Variants in KIF6 observed in about 807,000 individuals in gnomAD.
The protein encoded by KIF6 is kinesin family member 6.
A neutral mutation model predicts 112.7 loss-of-function variants in KIF6; 106 were observed. The ratio of observed to expected loss-of-function variants is 0.94; its 90% CI spans 0.80 to 1.11. The LOEUF (loss-of-function observed/expected upper bound fraction) is 1.11, where lower values mean the gene tolerates loss of function less well. Ranked by LOEUF, KIF6 falls within the 50% of genes least tolerant of loss-of-function variation. KIF6 has a pLI of 0.00. For missense variants in KIF6, 929 were observed against 964.0 expected (o/e 0.96, Z 0.48); for synonymous variants, 339 against 339.9 (o/e 1.00, Z 0.03).
At chr6:39,512,626 G>C (rs1462986096) in intron 13 of KIF6, among the ~76,000 whole-genome samples, 1 of 152,120 alleles carries the variant, frequency 6.6e-6, no homozygotes, top group South Asian at 2.1e-4. Context: ...GGTTATGTTT[G>C]AGAGTTTTCC....
At chr6:39,527,479 A>G (rs1777800659) in intron 13 of KIF6, among the ~76,000 whole-genome samples, 1 of 152,110 alleles carries the variant, frequency 6.6e-6, no homozygotes, top group South Asian at 2.1e-4. Flanking sequence ...AACTATCACC[A>G]TAGCCCCTTC....
intron 3 of KIF6, among the ~76,000 whole-genome samples, chr6:39,655,629 C>T (rs1785739670): frequency 6.6e-6 from 1 of 152,052 alleles, no homozygotes; most frequent in Non-Finnish European, 1.5e-5. Context: ...TGTTTTTGCT[C>T]AGTTAATAAC....
At chr6:39,360,295 G>C (rs1765028654) in intron 18 of KIF6, 100 bp downstream of exon 18, 1 of 1,370,060 alleles carries the variant, frequency 7.3e-7, no homozygotes, top group African/African-American at 1.4e-5. Flanking sequence ...TGAGACCATG[G>C]GGGCCTGTGG....
intron 3 of KIF6, among the ~76,000 whole-genome samples, chr6:39,661,539 T>G (rs1008472928): frequency 6.6e-5 from 10 of 152,082 alleles, no homozygotes; most frequent in African/African-American, 2.2e-4. Flanking sequence ...GGACCAACTT[T>G]CCTCTACCCC....
chr6:39,710,263 T>C (rs1582502059), intron 3 of KIF6, among the ~76,000 whole-genome samples: 1 of 152,096 alleles, frequency 6.6e-6, no homozygotes, highest in Non-Finnish European at 1.5e-5. Context: ...AAACACACCA[T>C]GCCCTCAGCA....
Position 39,586,390 on chromosome 6 carries a change from A to C in KIF6, c.861T>G (p.Leu287=). ...LHYLEQVIIA[L]SEKHRSHIPY... ...GAATGTGCGAACGGTGCTTTTCTGA[A>C]AGGGCAATGATAACCTGTGGTAAAG... Residue 287 remains leucine (L), a synonymous_variant, in exon 8 of 23, where the codon CTT becomes CTG. Transcript: ENST00000287152. 1 of 1,614,050 alleles carries C rather than the reference A, an allele frequency of 6.2e-7. No individual in the cohort carries two copies. Among genetic ancestry groups the C allele is most frequent in the Non-Finnish European group, 8.5e-7 (1 of 1,179,932 alleles).
At chr6:39,634,745 G>A (rs956087321) in intron 5 of KIF6, 104 bp downstream of exon 5, 1 of 771,570 alleles carries the variant, frequency 1.3e-6, no homozygotes, top group Non-Finnish European at 2.3e-6. Flanking sequence ...TCCAGTATTT[G>A]CTAATTATGA....
chr6:39,431,017 C>T, intron 14 of KIF6, 36 bp downstream of exon 14: 1 of 1,355,274 alleles, frequency 7.4e-7, no homozygotes. Flanking sequence ...CCTGGCTGAG[C>T]CTCGGAGGAC....
chr6:39,485,481 G>A (rs1775056254), intron 13 of KIF6, among the ~76,000 whole-genome samples: 1 of 152,054 alleles, frequency 6.6e-6, no homozygotes, highest in South Asian at 2.1e-4. Context: ...CTTAAAGGCT[G>A]GGGACTGCAT....
chr6:39,456,197 G>A (rs1416416321), intron 13 of KIF6, among the ~76,000 whole-genome samples: 1 of 3,300 alleles, frequency 3.0e-4, no homozygotes, highest in Non-Finnish European at 5.5e-4. Context: ...CAAGCCAGAA[G>A]AGAGTGGGGG....
At chr6:39,399,685 T>A (rs921757876) in intron 15 of KIF6, among the ~76,000 whole-genome samples, 6 of 152,152 alleles carry the variant, frequency 3.9e-5, no homozygotes, top group African/African-American at 1.4e-4. Flanking sequence ...CCACTGCAGG[T>A]TTTTCTTGGA....
intron 13 of KIF6, among the ~76,000 whole-genome samples, chr6:39,475,727 T>C (rs1028239069): frequency 1.3e-5 from 2 of 152,168 alleles, no homozygotes; most frequent in African/African-American, 4.8e-5. Context: ...GAGGTAGCTC[T>C]CATTCTCTAA....
chr6:39,641,119 A>G (rs1368769332), intron 3 of KIF6, among the ~76,000 whole-genome samples: 1 of 152,180 alleles, frequency 6.6e-6, no homozygotes, highest in Non-Finnish European at 1.5e-5. Flanking sequence ...TTTGTTACCA[A>G]TGAAACATTG....
rs893821667 is a variant in KIF6, at chr6:39,630,111, G to A, written c.509+4738C>T. ...TCTTTATAGTATGTCTTGAAGTTGG[G>A]TGATGTCAGTCTTTTGACTTTGTTC... On this transcript the variant is annotated intron_variant, in intron 5 of 22. Transcript: ENST00000287152. Among the ~76,000 whole-genome samples, 9 of 151,910 alleles carry A rather than the reference G, an allele frequency of 5.9e-5. No homozygotes were observed. The South Asian group carries it at 6.2e-4, about 10-fold the overall frequency.
chr6:39,666,101 C>A (rs1786449087), intron 3 of KIF6, among the ~76,000 whole-genome samples: 5 of 152,184 alleles, frequency 3.3e-5, no homozygotes, highest in Admixed American at 2.0e-4. Flanking sequence ...GCAAATCATG[C>A]ATTTTTAAAT....
chr6:39,337,237 T>TTCTTTCTTTCTTTCTTTCTTTC (rs548889510), intron 22 of KIF6, among the ~76,000 whole-genome samples: 1 of 41,686 alleles, frequency 2.4e-5, no homozygotes, highest in Admixed American at 2.5e-4. Context: ...CTTTCTTTCT[T>TTCTTTCTTTCTTTCTTTCTTTC]TTTCTTTCTT....
chr6:39,400,158 G>A (rs1028897892), intron 15 of KIF6, among the ~76,000 whole-genome samples: 5 of 152,214 alleles, frequency 3.3e-5, no homozygotes, highest in African/African-American at 1.2e-4. Context: ...GACGCACCCT[G>A]TTTGGCTGTC....
At chr6:39,336,804 TC>T (rs1284640523) in intron 22 of KIF6, among the ~76,000 whole-genome samples, 2 of 151,168 alleles carry the variant, frequency 1.3e-5, no homozygotes, top group Non-Finnish European at 2.9e-5. Flanking sequence ...TCTTTCCTTT[TC>T]TTTCTTTCTT....
chr6:39,570,340 G>A (rs1472890686), intron 10 of KIF6, among the ~76,000 whole-genome samples: 2 of 152,238 alleles, frequency 1.3e-5, no homozygotes, highest in East Asian at 3.9e-4. Context: ...TCAGTTTGGG[G>A]CATGTTGAGT....
Sources: gnomAD v4.1 joint callset for allele counts (sites outside exome capture counted in the v4.1 genomes callset) on GRCh38, gnomAD v4.1.1 for gene constraint, MANE v1.5 for transcripts, NCBI Gene and HGNC (gene_info 2026-07-23, HGNC 2026-07-21) for gene names.